Variants in GALNT10 observed in about 807,000 individuals in gnomAD.
GALNT10 encodes polypeptide N-acetylgalactosaminyltransferase 10, also known as GalNAc transferase 10.
Under a neutral mutation model 75.0 loss-of-function variants are expected in GALNT10, and 41 were observed. The observed-to-expected ratio is 0.55, with a 90% CI of 0.43 to 0.71. The LOEUF (loss-of-function observed/expected upper bound fraction) is 0.71. GALNT10 is among the 30% of genes least tolerant of loss of function. The pLI, the probability that GALNT10 is intolerant of heterozygous loss-of-function variation, is 0.00. For synonymous variants in GALNT10, 302 were observed against 313.0 expected (o/e 0.96, Z 0.37); for missense variants, 727 against 818.5 (o/e 0.89, Z 1.36).
chr5:154,234,483 G>A (rs1753215168), intron 1 of GALNT10, among the ~76,000 whole-genome samples: 1 of 152,194 alleles, frequency 6.6e-6, no homozygotes. Context: ...AAAATTGATA[G>A]CATTTCCTCT....
At chr5:154,323,997 G>A (rs1171310822) in intron 3 of GALNT10, among the ~76,000 whole-genome samples, 1 of 152,228 alleles carries the variant, frequency 6.6e-6, no homozygotes, top group East Asian at 1.9e-4. Flanking sequence ...TGGGGCTCTG[G>A]TGAAAATTTG....
At position 154,192,860 on chromosome 5, in the gene GALNT10, A is replaced by T. The variant is rs182124604; in HGVS notation, c.159+1835A>T. ...AGACCTCGTATTTCATTTGCAATAG[A>T]TGCCAAAGACATCCTGATTTTCATT... On this transcript the variant is annotated intron_variant, in intron 1 of 11. Transcript: ENST00000297107. Among the ~76,000 whole-genome samples the T allele has an allele frequency of 5.4e-4, 82 of 152,286 alleles. 1 individual carries two copies. The highest frequency in any genetic ancestry group is 3.3e-3 in the South Asian group (16 of 4,824).
At chr5:154,222,144 C>T (rs1362384709) in intron 1 of GALNT10, among the ~76,000 whole-genome samples, 1 of 152,094 alleles carries the variant, frequency 6.6e-6, no homozygotes, top group Non-Finnish European at 1.5e-5. Context: ...CCCCTAATAA[C>T]CACCTGCCTG....
chr5:154,382,552 G>C (rs1389199062), intron 6 of GALNT10, among the ~76,000 whole-genome samples: 2 of 152,212 alleles, frequency 1.3e-5, no homozygotes, highest in African/African-American at 4.8e-5. Context: ...TATTGTGCAT[G>C]ATCCTTATAA....
At chr5:154,386,261 G>GCTCT (rs1755804549) in intron 6 of GALNT10, 52 bp from the exon 7 acceptor site, 17 of 1,256,828 alleles carry the variant, frequency 1.4e-5, no homozygotes, top group South Asian at 1.3e-4. Flanking sequence ...CCACATGAGA[G>GCTCT]CATGTGGCCA....
intron 7 of GALNT10, among the ~76,000 whole-genome samples, chr5:154,391,228 A>AC (rs1488791819): frequency 6.6e-6 from 1 of 152,188 alleles, no homozygotes; most frequent in African/African-American, 2.4e-5. Flanking sequence ...TTTACGAAGG[A>AC]CCGAATTCCC....
At chr5:154,386,603 G>T in intron 7 of GALNT10, 173 bp downstream of exon 7, 3 of 620,870 alleles carry the variant, frequency 4.8e-6, no homozygotes, top group South Asian at 1.8e-5. Context: ...TTGTTGTGGG[G>T]TGGGGGGGTG....
chr5:154,247,290 C>A (rs1014433314), intron 1 of GALNT10, among the ~76,000 whole-genome samples: 1 of 152,042 alleles, frequency 6.6e-6, no homozygotes, highest in African/African-American at 2.4e-5. Context: ...CTTGGCAATG[C>A]GGGCTCTTTT....
intron 4 of GALNT10, among the ~76,000 whole-genome samples, chr5:154,371,551 TGTGTGTGTGTGTAC>T (rs1755566417): frequency 5.5e-5 from 3 of 54,332 alleles, no homozygotes; most frequent in African/African-American, 1.4e-4. Context: ...TGTGTGTGTG[TGTGTGTGTGTGTAC>T]ACACACACAC....
chr5:154,272,166 A>T (rs149329), intron 1 of GALNT10, among the ~76,000 whole-genome samples: 1 of 151,852 alleles, frequency 6.6e-6, no homozygotes, highest in African/African-American at 2.4e-5. Flanking sequence ...CCTCCCTGCA[A>T]TTCTTAGGTC....
At chr5:154,372,220 A>G (rs1476180172) in intron 4 of GALNT10, among the ~76,000 whole-genome samples, 2 of 152,202 alleles carry the variant, frequency 1.3e-5, no homozygotes, top group Admixed American at 1.3e-4. Context: ...CAGCAAAATG[A>G]GGGTACTAAT....
chr5:154,194,272 A>G (rs149641487), intron 1 of GALNT10, among the ~76,000 whole-genome samples: 11 of 152,136 alleles, frequency 7.2e-5, no homozygotes, highest in African/African-American at 2.7e-4. Context: ...GCTGAACTTT[A>G]TTCTTAGAAC....
chr5:154,376,277 A>T lies in GALNT10; in HGVS notation c.569A>T (p.Glu190Val), dbSNP rs866441565. ...IVLVDDFSDR[E>V]HLKKPLEDYM... ...TCTTCTGTCCTCTTCTGTCTCATAG[A>T]GCACCTGAAGAAGCCTCTTGAAGAC... The change falls in exon 5 of 12, where the codon GAG (glutamate) becomes GTG (valine). Residue 190 changes from glutamate (E) to valine (V), a missense_variant and splice_region_variant. Glu to Val is a moderately radical substitution (Grantham distance 121). Transcript: ENST00000297107. The surrounding 1 kb of genome is among the most constrained non-coding windows in gnomAD (Gnocchi z 4.1). The T allele has an allele frequency of 6.2e-7, 1 of 1,600,502 alleles. No homozygotes were observed.
intron 1 of GALNT10, among the ~76,000 whole-genome samples, chr5:154,203,306 TATG>T (rs1775056126): frequency 6.6e-6 from 1 of 152,066 alleles, no homozygotes; most frequent in Admixed American, 6.5e-5. Context: ...TCTTAGCAAA[TATG>T]ATGAGAAATG....
chr5:154,279,223 T>C (rs1354335422), intron 1 of GALNT10, among the ~76,000 whole-genome samples: 1 of 152,172 alleles, frequency 6.6e-6, no homozygotes, highest in Admixed American at 6.5e-5. Flanking sequence ...TGTTTTCCAC[T>C]TTTTAAATTA....
At chr5:154,375,696 C>T (rs1561675644) in intron 4 of GALNT10, among the ~76,000 whole-genome samples, 1 of 152,230 alleles carries the variant, frequency 6.6e-6, no homozygotes, top group Non-Finnish European at 1.5e-5. Flanking sequence ...CCAAAGATGT[C>T]ACGAGTGGCT....
intron 7 of GALNT10, chr5:154,387,849 T>C (rs1191759081): frequency 6.6e-6 from 1 of 151,832 alleles, no homozygotes; most frequent in Non-Finnish European, 1.5e-5. Flanking sequence ...TACAATTCTT[T>C]TGATGTTATT....
intron 4 of GALNT10, chr5:154,337,402 C>T (rs1478773674): frequency 6.7e-6 from 4 of 593,652 alleles, no homozygotes; most frequent in African/African-American, 5.5e-5. Context: ...TCTGATATAA[C>T]CTGTAGCTTC....
rs1371188603 is a variant in GALNT10 at position 154,329,735 on chromosome 5, C to T, written c.565C>T (p.Arg189Ter). Residue 189 changes from arginine (R) to a stop codon, truncating the protein, a stop_gained, in exon 4 of 12, where the codon CGA becomes TGA. Transcript: ENST00000297107. LOFTEE classifies it high-confidence loss of function. Reference protein sequence around the residue: ...EIVLVDDFSDREHLKKPLEDY... With the variant: ...EIVLVDDFSD Reference sequence around the variant, plus strand: ...TGTACTGGTCGACGACTTCAGTGATCGAGGTAGGATCCGTCCCACCCAGCC... The same window carrying T: ...TGTACTGGTCGACGACTTCAGTGATTGAGGTAGGATCCGTCCCACCCAGCC... 4 of 1,611,992 alleles carry T rather than the reference C, an allele frequency of 2.5e-6. No homozygotes were observed. The highest frequency in any genetic ancestry group is 2.2e-5 in the East Asian group (1 of 44,846).
Sources: allele counts gnomAD v4.1 joint callset (sites outside exome capture counted in the v4.1 genomes callset), GRCh38; gene constraint gnomAD v4.1.1; non-coding constraint Gnocchi (gnomAD v3.1); transcripts MANE v1.5; gene names NCBI Gene and HGNC (gene_info 2026-07-23, HGNC 2026-07-21).